MAF: variants seen among roughly 807,000 people sequenced by gnomAD.
The protein encoded by MAF is transcription factor Maf.
Under a neutral mutation model 22.0 loss-of-function variants are expected in MAF, and 10 were observed. The observed-to-expected ratio is 0.45, with a 90% CI of 0.28 to 0.77. The LOEUF (loss-of-function observed/expected upper bound fraction) is 0.77, where lower values mean the gene tolerates loss of function less well. MAF is among the 30% of genes least tolerant of loss of function. The pLI is 0.12. For synonymous variants in MAF, 337 were observed against 255.8 expected (o/e 1.32, Z -3.03); for missense variants, 544 against 548.4 (o/e 0.99, Z 0.08).
the MAF span, among the ~76,000 whole-genome samples, chr16:79,373,942 T>C: frequency 3.6e-4 from 55 of 152,336 alleles, no homozygotes; most frequent in African/African-American, 1.2e-3. Context: ...CTGAATAAAT[T>C]AGTAAGTCCA....
chr16:79,369,442 G>A, the MAF span, among the ~76,000 whole-genome samples: 7 of 152,190 alleles, frequency 4.6e-5, no homozygotes, highest in African/African-American at 1.7e-4. Context: ...CTGCATCCCA[G>A]AAAACTAGTT....
At chr16:79,567,178 C>A in the MAF span, among the ~76,000 whole-genome samples, 1 of 152,160 alleles carries the variant, frequency 6.6e-6, no homozygotes. Flanking sequence ...ATTAGACAGG[C>A]ATTGTGGCAG....
the MAF span, among the ~76,000 whole-genome samples, chr16:79,405,017 A>C: frequency 6.6e-6 from 1 of 152,190 alleles, no homozygotes; most frequent in Admixed American, 6.5e-5. Context: ...GTCACCGGGT[A>C]CTGGAAGATT....
intron 1 of MAF, chr16:79,598,502 T>A (rs1207333863): frequency 7.4e-7 from 1 of 1,346,816 alleles, no homozygotes; most frequent in Non-Finnish European, 9.6e-7. Context: ...AATTTCAGAT[T>A]GGCAATCCAT....
the MAF span, among the ~76,000 whole-genome samples, chr16:79,420,398 C>T: frequency 6.6e-6 from 1 of 152,134 alleles, no homozygotes; most frequent in Non-Finnish European, 1.5e-5. Context: ...GTTGACACGC[C>T]CTTCCCACGC....
the MAF span, among the ~76,000 whole-genome samples, chr16:79,470,908 G>A: frequency 1.3e-5 from 2 of 152,196 alleles, no homozygotes; most frequent in African/African-American, 2.4e-5. Context: ...GCAGTGAGAG[G>A]CACTCAAATT....
At chr16:79,351,424 G>C in the MAF span, among the ~76,000 whole-genome samples, 1 of 152,112 alleles carries the variant, frequency 6.6e-6, no homozygotes, top group Non-Finnish European at 1.5e-5. Context: ...CCAGGCTTGC[G>C]GGAGAGAGGT....
chr16:79,502,543 G>A, the MAF span, among the ~76,000 whole-genome samples: 1 of 151,516 alleles, frequency 6.6e-6, no homozygotes, highest in African/African-American at 2.4e-5. Context: ...GTGCACACCT[G>A]TAGTCCCAGC....
At chr16:79,391,066 T>G in the MAF span, among the ~76,000 whole-genome samples, 2 of 152,162 alleles carry the variant, frequency 1.3e-5, no homozygotes, top group African/African-American at 4.8e-5. Context: ...TGCTGTTATC[T>G]GTGGGCTAAC....
rs937703343 is a variant in MAF, at chr16:79,600,513, C to T, written c.-611G>A. ...TTTTCTTTCCTCTCTCTCCCTCGCG[C>T]GCTCTCTACCTCTGTGCAAAGTGCA... is the stretch of plus-strand genomic sequence containing the variant. On this transcript the variant is annotated 5_prime_UTR_variant, in exon 1 of 2. Coordinates refer to ENST00000326043, the MANE Select transcript of MAF (RefSeq NM_005360.5). The T allele has an allele frequency of 1.5e-5, 3 of 195,408 alleles. No homozygotes were observed. Among genetic ancestry groups the T allele is most frequent in the African/African-American group, 2.4e-5 (1 of 42,128 alleles). The allele number at this position is 195,408 out of a possible 1,614,324, so 12.1% of individuals were successfully genotyped here.
At chr16:79,330,744 G>A in the MAF span, among the ~76,000 whole-genome samples, 1 of 152,222 alleles carries the variant, frequency 6.6e-6, no homozygotes, top group South Asian at 2.1e-4. Flanking sequence ...TTGGAAATCT[G>A]GCTCAGCTCC....
At chr16:79,286,270 G>A in the MAF span, among the ~76,000 whole-genome samples, 1 of 152,158 alleles carries the variant, frequency 6.6e-6, no homozygotes, top group Admixed American at 6.5e-5. Context: ...TAGGTGAACA[G>A]GCAAGTTTGG....
chr16:79,449,414 G>A, the MAF span, among the ~76,000 whole-genome samples: 1 of 152,176 alleles, frequency 6.6e-6, no homozygotes, highest in Admixed American at 6.5e-5. Flanking sequence ...TTGCTTTATT[G>A]TGGTGGTCTG....
the MAF span, among the ~76,000 whole-genome samples, chr16:79,435,250 A>G: frequency 6.6e-6 from 1 of 151,734 alleles, no homozygotes; most frequent in African/African-American, 2.4e-5. Context: ...GACTGTGCAC[A>G]CACACACACA....
chr16:79,331,901 C>A, the MAF span, among the ~76,000 whole-genome samples: 1 of 152,192 alleles, frequency 6.6e-6, no homozygotes, highest in East Asian at 1.9e-4. Context: ...CCTTCCCTGA[C>A]CAACCAGTAC....
the MAF span, among the ~76,000 whole-genome samples, chr16:79,549,601 T>G: frequency 6.6e-6 from 1 of 152,214 alleles, no homozygotes. Flanking sequence ...GGCCATGTCC[T>G]CAGTGTGGAA....
At chr16:79,426,488 T>A in the MAF span, among the ~76,000 whole-genome samples, 1 of 152,232 alleles carries the variant, frequency 6.6e-6, no homozygotes, top group Non-Finnish European at 1.5e-5. Context: ...TATTCCCTCA[T>A]ACTGTTAGTT....
the MAF span, among the ~76,000 whole-genome samples, chr16:79,210,168 A>G: frequency 2.0e-5 from 3 of 152,216 alleles, no homozygotes; most frequent in Admixed American, 2.0e-4. Context: ...ACTTGACTGC[A>G]TTTGACCATT....
the MAF span, among the ~76,000 whole-genome samples, chr16:79,542,132 C>T: frequency 2.6e-5 from 4 of 152,130 alleles, no homozygotes; most frequent in Admixed American, 6.5e-5. Context: ...GACAATTCAG[C>T]GGCAGGTGAC....
Sources: allele counts gnomAD v4.1 joint callset (sites outside exome capture counted in the v4.1 genomes callset), GRCh38; gene constraint gnomAD v4.1.1; transcripts MANE v1.5; gene names NCBI Gene and HGNC (gene_info 2026-07-23, HGNC 2026-07-21).